The following FANCC variants were observed in gnomAD, a reference collection of about 807,000 sequenced individuals.
FANCC encodes the protein FA complementation group C.
FANCC carries 55 observed loss-of-function variants against 71.3 expected under a neutral mutation model. The observed-to-expected ratio is 0.77, with a 90% CI of 0.62 to 0.97. The LOEUF (loss-of-function observed/expected upper bound fraction) is 0.97, where lower values mean the gene tolerates loss of function less well. Among genes scored for constraint, FANCC ranks in the 50% least tolerant of loss-of-function variants. The pLI is 0.00. For synonymous variants in FANCC, 275 were observed against 244.9 expected (o/e 1.12, Z -1.15); for missense variants, 678 against 670.9 (o/e 1.01, Z -0.12).
chr9:95,176,311 C>A (rs1230209581), intron 4 of FANCC, among the ~76,000 whole-genome samples: 1 of 152,216 alleles, frequency 6.6e-6, no homozygotes. Flanking sequence ...GAGACCCTTA[C>A]AGCTTCCAGT....
At chr9:95,283,293 T>C (rs537149559) in intron 1 of FANCC, among the ~76,000 whole-genome samples, 35 of 152,298 alleles carry the variant, frequency 2.3e-4, no homozygotes, top group African/African-American at 8.4e-4. Flanking sequence ...ATACCATATC[T>C]GGCAATGACA....
intron 1 of FANCC, among the ~76,000 whole-genome samples, chr9:95,275,108 CAAAA>C (rs532301118): frequency 3.6e-5 from 3 of 82,394 alleles, no homozygotes; most frequent in Admixed American, 1.3e-4. Context: ...CCTGTCTCTA[CAAAA>C]AAAAAAAAAA....
At chr9:95,245,625 G>A (rs4647427) in intron 3 of FANCC, among the ~76,000 whole-genome samples, 5,691 of 151,756 alleles carry the variant, frequency 0.038, 126 homozygotes, top group Middle Eastern at 0.058. Context: ...GGCCAGGCAC[G>A]GTGGCTCACA....
intron 4 of FANCC, among the ~76,000 whole-genome samples, chr9:95,221,284 C>T (rs1372571185): frequency 1.3e-5 from 2 of 152,042 alleles, no homozygotes; most frequent in East Asian, 1.9e-4. Flanking sequence ...AACAAGAAAA[C>T]AGAGAACAAA....
chr9:95,231,204 T>C (rs1829988682), intron 4 of FANCC, among the ~76,000 whole-genome samples: 1 of 152,232 alleles, frequency 6.6e-6, no homozygotes, highest in African/African-American at 2.4e-5. Context: ...TCTCCTTCTG[T>C]TTTACTTTTC....
intron 12 of FANCC, among the ~76,000 whole-genome samples, 172 bp from the exon 13 acceptor site, chr9:95,111,809 G>T (rs1468525802): frequency 6.6e-6 from 1 of 152,340 alleles, no homozygotes; most frequent in Middle Eastern, 3.4e-3. Context: ...ACGCCACTCT[G>T]CACCATCACA....
chr9:95,231,718 A>G (rs1830021468), intron 4 of FANCC, among the ~76,000 whole-genome samples: 1 of 152,226 alleles, frequency 6.6e-6, no homozygotes, highest in Non-Finnish European at 1.5e-5. Flanking sequence ...ATTAACCTAA[A>G]GAGGAATTCT....
intron 4 of FANCC, among the ~76,000 whole-genome samples, chr9:95,207,655 C>T (rs73534884): frequency 0.011 from 1,721 of 152,246 alleles, 31 homozygotes; most frequent in African/African-American, 0.039. Flanking sequence ...GCAGGTCAGA[C>T]GGACAAATCC....
intron 1 of FANCC, among the ~76,000 whole-genome samples, chr9:95,301,148 T>C (rs958673405): frequency 1.9e-4 from 28 of 149,354 alleles, no homozygotes; most frequent in Non-Finnish European, 3.7e-4. Flanking sequence ...GAAAAGTGGC[T>C]AAAGTCAGTA....
intron 4 of FANCC, 46 bp downstream of exon 4, chr9:95,240,603 A>G (rs776063128): frequency 7.0e-7 from 1 of 1,434,628 alleles, no homozygotes; most frequent in Non-Finnish European, 9.8e-7. Flanking sequence ...ACTTTTAAAT[A>G]ATCAATTTAA....
At chr9:95,298,765 T>G (rs1463134469) in intron 1 of FANCC, among the ~76,000 whole-genome samples, 1 of 152,164 alleles carries the variant, frequency 6.6e-6, no homozygotes, top group Non-Finnish European at 1.5e-5. Flanking sequence ...ATAAAAGCAG[T>G]CAAAACCAAC....
intron 8 of FANCC, among the ~76,000 whole-genome samples, chr9:95,131,806 A>G (rs1352786265): frequency 1.3e-5 from 2 of 152,166 alleles, no homozygotes; most frequent in South Asian, 2.1e-4. Context: ...CTTCAGCACA[A>G]TATTTTACCA....
intron 6 of FANCC, among the ~76,000 whole-genome samples, chr9:95,154,990 C>G (rs73532103): frequency 0.036 from 5,475 of 151,392 alleles, 297 homozygotes; most frequent in African/African-American, 0.12. Context: ...TGGACTGCTT[C>G]AGCCCAGGAG....
At chr9:95,263,972 T>C (rs1038866782) in intron 1 of FANCC, among the ~76,000 whole-genome samples, 4 of 152,188 alleles carry the variant, frequency 2.6e-5, no homozygotes, top group African/African-American at 7.2e-5. Context: ...TCTGACATAG[T>C]AGTCTTTGTG....
intron 4 of FANCC, among the ~76,000 whole-genome samples, chr9:95,204,884 G>A (rs893293174): frequency 1.3e-5 from 2 of 152,116 alleles, no homozygotes; most frequent in African/African-American, 4.8e-5. Context: ...AAACAGAATG[G>A]AACGTACCAT....
chr9:95,141,916 C>A (rs1353315333), intron 7 of FANCC, among the ~76,000 whole-genome samples: 2 of 150,118 alleles, frequency 1.3e-5, no homozygotes, highest in African/African-American at 2.5e-5. Flanking sequence ...CCTAATACTA[C>A]ACATTGTCAA....
At chr9:95,116,109 G>A (rs183808632) in intron 11 of FANCC, among the ~76,000 whole-genome samples, 10 of 152,250 alleles carry the variant, frequency 6.6e-5, no homozygotes, top group African/African-American at 2.4e-4. Flanking sequence ...GAAAGGTAAA[G>A]GGTTGGGCCC....
chr9:95,237,749 A>C (rs574128171), intron 4 of FANCC, among the ~76,000 whole-genome samples: 37 of 152,366 alleles, frequency 2.4e-4, no homozygotes, highest in African/African-American at 8.4e-4. Context: ...ATTTCCAAAG[A>C]AAATTTAACA....
At chr9:95,173,308 G>A (rs1250879952) in intron 4 of FANCC, among the ~76,000 whole-genome samples, 8 of 152,096 alleles carry the variant, frequency 5.3e-5, no homozygotes, top group South Asian at 2.1e-4. Flanking sequence ...AACACAGCCC[G>A]GAACCCATCA....
Sources: gnomAD v4.1 joint callset for allele counts (sites outside exome capture counted in the v4.1 genomes callset) on GRCh38, gnomAD v4.1.1 for gene constraint, MANE v1.5 for transcripts, NCBI Gene and HGNC (gene_info 2026-07-23, HGNC 2026-07-21) for gene names.